SKIC3: variants seen among roughly 807,000 people sequenced by gnomAD.
SKIC3 encodes the protein superkiller complex protein 3.
At chr5:95,539,204 T>G in the SKIC3 span, among the ~76,000 whole-genome samples, 1 of 152,048 alleles carries the variant, frequency 6.6e-6, no homozygotes, top group African/African-American at 2.4e-5. Flanking sequence ...CCAATGTAAT[T>G]CATGGACTAA....
the SKIC3 span, chr5:95,527,991 GA>G: frequency 3.7e-6 from 6 of 1,612,930 alleles, no homozygotes; most frequent in South Asian, 5.5e-5. Flanking sequence ...TAGAGTTGAA[GA>G]AAAAAACTTG....
the SKIC3 span, among the ~76,000 whole-genome samples, chr5:95,511,765 T>A: frequency 1.3e-5 from 2 of 152,182 alleles, no homozygotes; most frequent in Non-Finnish European, 2.9e-5. Context: ...TGCATAACAT[T>A]TTGTACAAAT....
chr5:95,525,563 C>T, the SKIC3 span: 272 of 1,613,824 alleles, frequency 1.7e-4, no homozygotes, highest in Non-Finnish European at 2.2e-4. Flanking sequence ...TCAAAAAATG[C>T]TCAGTTTGAA....
the SKIC3 span, among the ~76,000 whole-genome samples, chr5:95,519,023 C>A: frequency 6.6e-6 from 1 of 151,122 alleles, no homozygotes; most frequent in East Asian, 1.9e-4. Flanking sequence ...TGATACCTTA[C>A]TGTGGTTTTG....
the SKIC3 span, among the ~76,000 whole-genome samples, chr5:95,530,748 ATTTTTCTAAAACTATC>A: frequency 6.6e-6 from 1 of 152,190 alleles, no homozygotes; most frequent in Non-Finnish European, 1.5e-5. Flanking sequence ...ACATTTCCAC[ATTTTTCTAAAACTATC>A]TTTTTCTATA....
the SKIC3 span, among the ~76,000 whole-genome samples, chr5:95,498,916 C>T: frequency 2.0e-5 from 3 of 152,198 alleles, no homozygotes; most frequent in Admixed American, 2.0e-4. Context: ...TGAGCCACCG[C>T]GCCCAGCCTA....
At chr5:95,468,870 G>A in the SKIC3 span, among the ~76,000 whole-genome samples, 14 of 152,178 alleles carry the variant, frequency 9.2e-5, no homozygotes, top group Non-Finnish European at 5.9e-5. Flanking sequence ...CTGAGCATGA[G>A]CAGAAGTAGT....
the SKIC3 span, chr5:95,530,176 A>C: frequency 1.2e-6 from 2 of 1,613,716 alleles, no homozygotes; most frequent in Non-Finnish European, 1.7e-6. Context: ...CCACTTTTTG[A>C]ATCCATTTCC....
At chr5:95,515,620 A>T in the SKIC3 span, among the ~76,000 whole-genome samples, 3 of 152,128 alleles carry the variant, frequency 2.0e-5, no homozygotes, top group Non-Finnish European at 2.9e-5. Flanking sequence ...GTTTTATTTA[A>T]ATTAAAAAAA....
chr5:95,464,607 T>C, the SKIC3 span: 4 of 1,609,958 alleles, frequency 2.5e-6, no homozygotes, highest in Non-Finnish European at 3.4e-6. Flanking sequence ...TAATCCAATG[T>C]TATTGTGAGG....
the SKIC3 span, chr5:95,528,017 T>A: frequency 1.9e-6 from 3 of 1,613,556 alleles, no homozygotes; most frequent in East Asian, 6.7e-5. Flanking sequence ...GTCTACCTGA[T>A]CAAGCGTACG....
chr5:95,471,603 C>T, the SKIC3 span, among the ~76,000 whole-genome samples: 3 of 152,044 alleles, frequency 2.0e-5, no homozygotes, highest in African/African-American at 4.8e-5. Context: ...TTCCCTGCCC[C>T]GCCCCAATTC....
the SKIC3 span, chr5:95,528,002 G>C: frequency 6.2e-7 from 1 of 1,613,318 alleles, no homozygotes; most frequent in South Asian, 1.1e-5. Flanking sequence ...AAAAAAACTT[G>C]ACAAGTCTAC....
At chr5:95,502,572 G>C in the SKIC3 span, among the ~76,000 whole-genome samples, 2 of 152,052 alleles carry the variant, frequency 1.3e-5, no homozygotes, top group Non-Finnish European at 1.5e-5. Flanking sequence ...AAAAGACAAG[G>C]CTTCATTACA....
chr5:95,504,234 G>A, the SKIC3 span, among the ~76,000 whole-genome samples: 1 of 152,122 alleles, frequency 6.6e-6, no homozygotes, highest in Non-Finnish European at 1.5e-5. Context: ...TGCTCAGGAG[G>A]CTGAGGCAGG....
chr5:95,530,244 A>G, the SKIC3 span: 1 of 1,612,486 alleles, frequency 6.2e-7, no homozygotes, highest in Non-Finnish European at 8.5e-7. Flanking sequence ...AATTAAAAGG[A>G]AAGGTTATTA....
the SKIC3 span, among the ~76,000 whole-genome samples, chr5:95,508,308 AC>A: frequency 6.6e-6 from 1 of 152,220 alleles, no homozygotes; most frequent in Non-Finnish European, 1.5e-5. Flanking sequence ...AGGTCTTTTT[AC>A]TTTTCACCTA....
chr5:95,484,189 T>C, the SKIC3 span, among the ~76,000 whole-genome samples: 1 of 152,160 alleles, frequency 6.6e-6, no homozygotes, highest in African/African-American at 2.4e-5. Context: ...TAATAATAAA[T>C]ACCTATATAT....
chr5:95,472,266 C>G, the SKIC3 span, among the ~76,000 whole-genome samples: 1 of 152,158 alleles, frequency 6.6e-6, no homozygotes, highest in Non-Finnish European at 1.5e-5. Flanking sequence ...TCCTTCATTC[C>G]TTCCTCCCTA....
Sources: gnomAD v4.1 joint callset for allele counts (sites outside exome capture counted in the v4.1 genomes callset) on GRCh38, gnomAD v4.1.1 for gene constraint, MANE v1.5 for transcripts, NCBI Gene and HGNC (gene_info 2026-07-23, HGNC 2026-07-21) for gene names.